Variants in SZT2 observed in about 807,000 individuals in gnomAD.
The protein encoded by SZT2 is SZT2 subunit of KICSTOR complex.
In SZT2, 216 loss-of-function variants were observed where a neutral mutation model predicts 404.2. The ratio of observed to expected loss-of-function variants is 0.53; its 90% confidence interval spans 0.48 to 0.60. The LOEUF is 0.60. Ranked by LOEUF, SZT2 falls within the 20% of genes least tolerant of loss-of-function variation. The probability of loss-of-function intolerance (pLI) is 0.00; values close to 1 mark genes in which losing one functional copy is unlikely to be tolerated. For synonymous variants in SZT2, 1,693 were observed against 1,749.9 expected, an observed-to-expected ratio of 0.97 and a Z score of 0.81; for missense variants, 3,857 against 4,459.2, an observed-to-expected ratio of 0.86 and a Z score of 3.85.
In SZT2 at chr1:43,429,793, T is replaced by A. The variant is rs1437409121; in HGVS notation, c.4257T>A (p.Asp1419Glu). The change falls in exon 29 of 72, where the codon GAT becomes GAA. Residue 1419 changes from aspartate to glutamate, a missense_variant. Transcript: ENST00000634258. The stretch of plus-strand genomic sequence containing the variant: ...CTGGGCCAGAGATCTCTCTGACAGA[T>A]GTCTGCCAGCTCAGAGGAGAGGCCC... ...PDPGPEISLTDVCQLRGEAHG... is the reference protein window; with the variant it reads ...PDPGPEISLTEVCQLRGEAHG... 7 of 1,614,222 alleles carry A rather than the reference T, an allele frequency of 4.3e-6. No homozygotes were observed. The highest frequency in any genetic ancestry group is 5.9e-6 in the Non-Finnish European group (7 of 1,180,038).
chr1:43,416,819 T>C (rs1277353043), intron 7 of SZT2, among the ~76,000 whole-genome samples, 178 bp downstream of exon 7: 1 of 152,176 alleles, frequency 6.6e-6, no homozygotes, highest in African/African-American at 2.4e-5. Flanking sequence ...CTTATTTTTT[T>C]CCTCTTTCCT....
rs948956330 is a variant in SZT2, at chr1:43,428,556, G to A, written c.4166+70G>A. On this transcript the variant is annotated intron_variant, in intron 28 of 71. Transcript: ENST00000634258. ...AGTCCCTATAAACAAGGACCTTCCAGTCCAGGGGAATGACTGTGCAAGGTA... is the reference window on the plus strand; with the variant it reads ...AGTCCCTATAAACAAGGACCTTCCAATCCAGGGGAATGACTGTGCAAGGTA... 4.2e-5 allele frequency: 66 copies of A among 1,563,222 alleles called. No homozygotes were observed. In the Middle Eastern group the frequency reaches 5.5e-4, roughly 13 times the overall value.
chr1:43,433,265 A>G (rs1210614744), intron 40 of SZT2, 75 bp downstream of exon 40: 36 of 1,502,596 alleles, frequency 2.4e-5, no homozygotes, highest in Non-Finnish European at 3.3e-5. Context: ...ACCTCTCTCC[A>G]GTGTTGTTAG....
rs201948969 is a variant in SZT2, at chr1:43,442,776, G to A, written c.8152-43G>A. ...AGCCCTGGGATGAGAGAGAGGGTCC[G>A]AGGGCAAAGGCTATGAACCCATTGC... On this transcript the variant is annotated intron_variant, in intron 58 of 71. Coordinates refer to ENST00000634258, the MANE Select transcript of SZT2 (RefSeq NM_001365999.1). This position sits in a 1 kb window ranked among gnomAD's most constrained non-coding sequence, Gnocchi z 4.5. 317 of 1,551,588 alleles carry A rather than the reference G, an allele frequency of 2.0e-4. No individual in the cohort carries two copies. In the African/African-American group the frequency reaches 3.5e-3, roughly 17 times the overall value.
At position 43,439,308 on chromosome 1, in the gene SZT2, G is replaced by A. The variant is rs753737261; in HGVS notation, c.6793-50G>A. The A allele has an allele frequency of 6.2e-7, 1 of 1,603,334 alleles. No individual in the cohort carries two copies. Among genetic ancestry groups the A allele is most frequent in the Non-Finnish European group, 8.5e-7 (1 of 1,170,582 alleles). On this transcript the variant is annotated intron_variant, in intron 48 of 71. Coordinates refer to ENST00000634258, the MANE Select transcript of SZT2 (RefSeq NM_001365999.1). The surrounding 1 kb of genome is among the most constrained non-coding windows in gnomAD (Gnocchi z 4.2). ...CCACTGTGGGCACCCATCCCCGAGG[G>A]TTTTGTCCATTTGCTTGCTCTTAGT...
At chr1:43,432,467 G>T (rs1173194160) in intron 37 of SZT2, 28 bp downstream of exon 37, 16 of 1,564,670 alleles carry the variant, frequency 1.0e-5, no homozygotes, top group Non-Finnish European at 1.4e-5. Context: ...ATGGAGGGGG[G>T]TGGTGGGTGT....
Position 43,451,957 on chromosome 1 carries a change from G to A in SZT2, c.*1477G>A, listed in dbSNP as rs144501580. ...TACCCTGCTGGGGCGTGTCCAGGAAGTACTGGGGGTCAGTGATGCGGGTGT... is the reference window on the plus strand; with the variant it reads ...TACCCTGCTGGGGCGTGTCCAGGAAATACTGGGGGTCAGTGATGCGGGTGT... On this transcript the variant is annotated 3_prime_UTR_variant, in exon 72 of 72. Transcript: ENST00000634258. The A allele has an allele frequency of 6.2e-7, 1 of 1,612,318 alleles. No individual in the cohort carries two copies. Among genetic ancestry groups the A allele is most frequent in the Non-Finnish European group, 8.5e-7 (1 of 1,178,724 alleles).
chr1:43,430,416 G>A (rs777781790), intron 31 of SZT2, 27 bp downstream of exon 31: 14 of 1,603,884 alleles, frequency 8.7e-6, no homozygotes, highest in African/African-American at 5.4e-5. Context: ...GTCAAGGTGG[G>A]GAAGGCTGGC....
rs1205912891 is a variant in SZT2, at chr1:43,451,552, CAG to C, written c.*1074_*1075del. The C allele has an allele frequency of 1.1e-5, 17 of 1,613,416 alleles. No homozygotes were observed. Among genetic ancestry groups the C allele is most frequent in the Non-Finnish European group, 1.4e-5 (16 of 1,179,638 alleles). Reference sequence around the variant, plus strand: ...GTGCCACCTGCACATGCCCTGGGGACAGATGTGGACAAATGTGGGGTCCAGGC... The same window carrying C: ...GTGCCACCTGCACATGCCCTGGGGACATGTGGACAAATGTGGGGTCCAGGC... On this transcript the variant is annotated 3_prime_UTR_variant, in exon 72 of 72. Transcript: ENST00000634258.
Position 43,434,441 on chromosome 1 carries a change from C to A in SZT2, c.5860C>A (p.Leu1954Ile). 1 of 1,599,478 alleles carries A rather than the reference C, an allele frequency of 6.3e-7. No homozygotes were observed. The highest frequency in any genetic ancestry group is 8.5e-7 in the Non-Finnish European group (1 of 1,174,570). ...CACTGAGTGTCGCCACCTGCAGCAG[C>A]TCCTGGTGAGGCGAGTTGGGGAGAT... ...PGTECRHLQQ[L>I]LVRRVGEICR... Residue 1954 changes from leucine (L) to isoleucine (I), a missense_variant, in exon 41 of 72, where the codon CTC (leucine) becomes ATC (isoleucine). By Grantham distance (5) the Leu-to-Ile change is conservative. Coordinates refer to ENST00000634258, the MANE Select transcript of SZT2 (RefSeq NM_001365999.1).
chr1:43,433,912 G>A (rs1654194081), intron 40 of SZT2, among the ~76,000 whole-genome samples: 3 of 152,204 alleles, frequency 2.0e-5, no homozygotes, highest in South Asian at 4.1e-4. Context: ...TCATATGGGT[G>A]AAGAAACTGA....
chr1:43,392,704 T>C lies in SZT2; in HGVS notation c.27+2709T>C, dbSNP rs146053092. 7.9e-3 allele frequency among the ~76,000 whole-genome samples: 1,207 copies of C among 152,318 alleles called. 9 individuals carry two copies. The highest frequency in any genetic ancestry group is 0.026 in the East Asian group (133 of 5,186). On this transcript the variant is annotated intron_variant, in intron 1 of 71. Coordinates refer to ENST00000634258, the MANE Select transcript of SZT2 (RefSeq NM_001365999.1). ...CTGGGATTACAGGCGTGAGCCACCG[T>C]GCCCAGCCTAAGTTAAGCATTTTTT...
In SZT2 at chr1:43,452,282, C is replaced by T; in HGVS notation, c.*1802C>T. On this transcript the variant is annotated 3_prime_UTR_variant, in exon 72 of 72. Transcript: ENST00000634258. ...ATCTCAGCCTTGACTGCTATTCGAT[C>T]AGCTCCCTGGGGTACTCGGCCAGCC... 1.9e-6 allele frequency: 3 copies of T among 1,614,104 alleles called. No homozygotes were observed. The highest frequency in any genetic ancestry group is 1.7e-6 in the Non-Finnish European group (2 of 1,179,996).
At chr1:43,431,677 C>A (rs1012152825) in intron 35 of SZT2, 39 bp from the exon 36 acceptor site, 14 of 1,609,458 alleles carry the variant, frequency 8.7e-6, no homozygotes, top group Non-Finnish European at 1.2e-5. Context: ...CCCAAGGAAG[C>A]AAGGGAGATG....
At position 43,432,596 on chromosome 1, in the gene SZT2, C is replaced by T. The variant is rs758966024; in HGVS notation, c.5522C>T (p.Pro1841Leu). 2 of 1,613,704 alleles carry T rather than the reference C, an allele frequency of 1.2e-6. No individual in the cohort carries two copies. Among genetic ancestry groups the T allele is most frequent in the African/African-American group, 1.3e-5 (1 of 74,922 alleles). The change falls in exon 38 of 72, where the codon CCA (proline) becomes CTA (leucine). Residue 1841 changes from proline to leucine, a missense_variant. Transcript: ENST00000634258. ...GVPLISLPRV[P>L]QGGSQPGPSR... is the part of the protein sequence containing the mutation. The stretch of plus-strand genomic sequence containing the variant: ...CCCCTCATCAGCCTGCCCCGCGTGC[C>T]ACAGGGAGGTAAGAGAGGACTTGGG...
chr1:43,396,187 C>T (rs1648973459), intron 1 of SZT2, among the ~76,000 whole-genome samples: 1 of 152,128 alleles, frequency 6.6e-6, no homozygotes, highest in Non-Finnish European at 1.5e-5. Context: ...AGTAGACCAG[C>T]CAGAATTCAT....
intron 67 of SZT2, 29 bp from the exon 68 acceptor site, chr1:43,447,820 T>C: frequency 2.5e-6 from 4 of 1,613,384 alleles, no homozygotes; most frequent in South Asian, 2.2e-5. Context: ...AACCCCAGAG[T>C]TGACATCTCC....
Position 43,424,174 on chromosome 1 carries a change from C to T in SZT2, c.2256-43C>T, listed in dbSNP as rs764268317. 5 of 1,548,896 alleles carry T rather than the reference C, an allele frequency of 3.2e-6. No homozygotes were observed. In the Admixed American group the frequency reaches 8.8e-5, roughly 27 times the overall value. ...AGAGGTGTGGAAGGGCGTGGCTTAG[C>T]CGGGGATGAGAGAGATAGCTGGGGA... On this transcript the variant is annotated intron_variant, in intron 15 of 71. Transcript: ENST00000634258. The surrounding 1 kb of genome is among the most constrained non-coding windows in gnomAD (Gnocchi z 4.1).
chr1:43,443,864 T>A, intron 62 of SZT2, 68 bp downstream of exon 62: 1 of 1,589,636 alleles, frequency 6.3e-7, no homozygotes, highest in Non-Finnish European at 8.6e-7. Context: ...CACAGGCCCT[T>A]CCTCTCTTTA....
Sources: gnomAD v4.1 joint callset for allele counts (sites outside exome capture counted in the v4.1 genomes callset) on GRCh38, gnomAD v4.1.1 for gene constraint, Gnocchi (gnomAD v3.1) non-coding constraint, MANE v1.5 for transcripts, NCBI Gene and HGNC (gene_info 2026-07-23, HGNC 2026-07-21) for gene names.